The following LARGE1 variants were observed in gnomAD, a reference collection of about 807,000 sequenced individuals.
LARGE1 encodes the protein LARGE xylosyl- and glucuronyltransferase 1.
Under a neutral mutation model 87.6 loss-of-function variants are expected in LARGE1, and 43 were observed. That is an observed-to-expected ratio of 0.49 (90% confidence interval 0.38 to 0.63). The LOEUF is 0.63. Among genes scored for constraint, LARGE1 ranks in the 30% least tolerant of loss-of-function variants. LARGE1 has a pLI of 0.00. For synonymous variants in LARGE1, 434 were observed against 394.6 expected, an observed-to-expected ratio of 1.10 and a Z score of -1.18; for missense variants, 802 against 1,000.2, an observed-to-expected ratio of 0.80 and a Z score of 2.67.
intron 1 of LARGE1, among the ~76,000 whole-genome samples, chr22:33,827,363 C>T (rs930844319): frequency 5.9e-5 from 9 of 151,970 alleles, no homozygotes; most frequent in African/African-American, 2.2e-4. Flanking sequence ...GAGCAAGACC[C>T]GGTCTCAAAA....
At chr22:33,804,464 T>C (rs1196711152) in intron 1 of LARGE1, among the ~76,000 whole-genome samples, 2 of 152,196 alleles carry the variant, frequency 1.3e-5, no homozygotes, top group East Asian at 3.9e-4. Context: ...ACAAAGCAAT[T>C]TGCAGGTTGA....
At chr22:33,708,841 C>T (rs976845203) in intron 2 of LARGE1, among the ~76,000 whole-genome samples, 5 of 152,122 alleles carry the variant, frequency 3.3e-5, no homozygotes, top group African/African-American at 7.2e-5. Flanking sequence ...CCTCGTGATC[C>T]GCCCGCCTTG....
intron 1 of LARGE1, among the ~76,000 whole-genome samples, chr22:33,829,252 G>C (rs191686684): frequency 6.6e-6 from 1 of 151,666 alleles, no homozygotes; most frequent in Non-Finnish European, 1.5e-5. Context: ...CAAGTGATCC[G>C]CCCACCTCAG....
chr22:33,091,047 T>C, the LARGE1 span, among the ~76,000 whole-genome samples: 1 of 152,128 alleles, frequency 6.6e-6, no homozygotes, highest in African/African-American at 2.4e-5. Context: ...AAGCATAATC[T>C]CTCTTCCTCA....
At chr22:33,418,715 C>T (rs993236717) in intron 7 of LARGE1, among the ~76,000 whole-genome samples, 4 of 131,978 alleles carry the variant, frequency 3.0e-5, no homozygotes, top group African/African-American at 1.1e-4. Flanking sequence ...TGGAGGGAGG[C>T]GGCTGGAGTG....
chr22:33,351,191 G>A (rs1940339385), intron 9 of LARGE1, among the ~76,000 whole-genome samples: 1 of 152,196 alleles, frequency 6.6e-6, no homozygotes, highest in Admixed American at 6.5e-5. Flanking sequence ...AATATCTGTT[G>A]AATGACTAAG....
intron 2 of LARGE1, among the ~76,000 whole-genome samples, chr22:33,751,463 A>G (rs1397399190): frequency 1.3e-5 from 2 of 150,772 alleles, no homozygotes; most frequent in African/African-American, 2.5e-5. Flanking sequence ...CCAGCCTGGG[A>G]GACAGATTGA....
chr22:33,337,575 G>A, intron 10 of LARGE1, 71 bp downstream of exon 10: 1 of 1,572,524 alleles, frequency 6.4e-7, no homozygotes, highest in Non-Finnish European at 8.7e-7. Context: ...ATAGAGCCTG[G>A]CATGGGGGAG....
chr22:33,262,661 A>G (rs1321603547), intron 11 of LARGE1, among the ~76,000 whole-genome samples: 2 of 151,988 alleles, frequency 1.3e-5, no homozygotes, highest in Non-Finnish European at 2.9e-5. Flanking sequence ...GCAGTACTCT[A>G]TTACGCCTGC....
At chr22:33,412,012 G>A (rs1027208265) in intron 7 of LARGE1, among the ~76,000 whole-genome samples, 1 of 152,160 alleles carries the variant, frequency 6.6e-6, no homozygotes, top group Admixed American at 6.5e-5. Context: ...GGCCGGGCAC[G>A]GTGGCTCACG....
At chr22:33,834,677 G>C (rs925892386) in intron 1 of LARGE1, among the ~76,000 whole-genome samples, 1 of 152,216 alleles carries the variant, frequency 6.6e-6, no homozygotes, top group Admixed American at 6.5e-5. Flanking sequence ...ACACGGACGC[G>C]AGTGAAAGTA....
chr22:33,549,538 G>A (rs1569260190), intron 6 of LARGE1, among the ~76,000 whole-genome samples: 1 of 152,118 alleles, frequency 6.6e-6, no homozygotes, highest in Non-Finnish European at 1.5e-5. Context: ...TAGATCCAGG[G>A]GAATGAATGA....
chr22:33,247,015 A>G (rs192138263), intron 11 of LARGE1, among the ~76,000 whole-genome samples: 8 of 151,216 alleles, frequency 5.3e-5, no homozygotes, highest in Admixed American at 4.6e-4. Context: ...AGACACTGTG[A>G]AAATTTTTAC....
At chr22:33,784,849 GAC>G (rs565933041) in intron 1 of LARGE1, among the ~76,000 whole-genome samples, 149 of 150,636 alleles carry the variant, frequency 9.9e-4, no homozygotes, top group African/African-American at 3.5e-3. Context: ...TACACACATA[GAC>G]AGTTTATATT....
intron 4 of LARGE1, among the ~76,000 whole-genome samples, chr22:33,605,764 C>A (rs1364066926): frequency 6.6e-6 from 1 of 152,192 alleles, no homozygotes; most frequent in Admixed American, 6.5e-5. Flanking sequence ...ACCCGGCCCG[C>A]TGACCTCAAA....
At chr22:33,334,933 T>A (rs1938256093) in intron 10 of LARGE1, among the ~76,000 whole-genome samples, 1 of 152,216 alleles carries the variant, frequency 6.6e-6, no homozygotes, top group Admixed American at 6.5e-5. Context: ...ACCGACGACT[T>A]CTTCACCTCG....
chr22:33,372,655 C>T (rs1361917946), intron 9 of LARGE1, among the ~76,000 whole-genome samples: 1 of 152,110 alleles, frequency 6.6e-6, no homozygotes, highest in East Asian at 1.9e-4. Context: ...GTCCCTCCCA[C>T]AACATGTGTT....
At position 33,427,167 on chromosome 22, in the gene LARGE1, G is replaced by T. The variant is rs544324607; in HGVS notation, c.892+4994C>A. 3.3e-5 allele frequency among the ~76,000 whole-genome samples: 5 copies of T among 152,288 alleles called. No homozygotes were observed. In the South Asian group the frequency reaches 8.3e-4, roughly 25 times the overall value. Reference sequence around the variant, plus strand: ...AAGTCCTGCTCACAGCTGAATGCTGGGTGAATGACAGCTTCTTGCATCTAG... The same window carrying T: ...AAGTCCTGCTCACAGCTGAATGCTGTGTGAATGACAGCTTCTTGCATCTAG... On this transcript the variant is annotated intron_variant, in intron 7 of 14. Transcript: ENST00000397394.
chr22:33,198,676 C>CACACATAT (rs60375534), intron 11 of LARGE1, among the ~76,000 whole-genome samples: 2,634 of 148,526 alleles, frequency 0.018, 81 homozygotes, highest in African/African-American at 0.054. Context: ...CACACACACA[C>CACACATAT]GTATCTAAAA....
Sources: allele counts gnomAD v4.1 joint callset (sites outside exome capture counted in the v4.1 genomes callset), GRCh38; gene constraint gnomAD v4.1.1; transcripts MANE v1.5; gene names NCBI Gene and HGNC (gene_info 2026-07-23, HGNC 2026-07-21).